C12orf56: variants seen among roughly 807,000 people sequenced by gnomAD.
The protein encoded by C12orf56 is chromosome 12 open reading frame 56.
A neutral mutation model predicts 69.9 loss-of-function variants in C12orf56; 71 were observed. The ratio of observed to expected loss-of-function variants is 1.02; its 90% CI spans 0.84 to 1.24. The LOEUF is 1.24. Ranked by LOEUF, C12orf56 falls within the 50% of genes most tolerant of loss-of-function variation. C12orf56 has a pLI of 0.00. For synonymous variants in C12orf56, 276 were observed against 274.1 expected (o/e 1.01, Z -0.07); for missense variants, 732 against 738.5 (o/e 0.99, Z 0.10).
At chr12:64,331,857 G>A (rs1007583385) in intron 2 of C12orf56, among the ~76,000 whole-genome samples, 1 of 151,972 alleles carries the variant, frequency 6.6e-6, no homozygotes, top group Non-Finnish European at 1.5e-5. Context: ...GGATAAGACA[G>A]TGGTCCGCTG....
intron 5 of C12orf56, among the ~76,000 whole-genome samples, chr12:64,307,369 T>C (rs1367960103): frequency 3.8e-5 from 2 of 52,326 alleles, no homozygotes; most frequent in Non-Finnish European, 7.8e-5. Context: ...TAGTCAGTCC[T>C]TTTTTTTTTT....
rs567644029 is a variant in C12orf56, at chr12:64,349,866, G to C, written c.415+3028C>G. On this transcript the variant is annotated intron_variant, in intron 2 of 12. Coordinates refer to ENST00000543942, the MANE Select transcript of C12orf56 (RefSeq NM_001170633.2). ...CCTGACACTTTGGGAGGCCAAGGCAGGCATATCACAAGGTCAGGAATTCGA... is the reference window on the plus strand; with the variant it reads ...CCTGACACTTTGGGAGGCCAAGGCACGCATATCACAAGGTCAGGAATTCGA... Among the ~76,000 whole-genome samples, 18 of 152,270 alleles carry C rather than the reference G, an allele frequency of 1.2e-4. No homozygotes were observed. The South Asian group carries it at 1.9e-3, about 16-fold the overall frequency.
In C12orf56 at chr12:64,356,186, A is replaced by C. The variant is rs1233651179; in HGVS notation, c.253-3130T>G. Among the ~76,000 whole-genome samples, 1,113 of 150,112 alleles carry C rather than the reference A, an allele frequency of 7.4e-3. 22 individuals carry two copies. Among genetic ancestry groups the C allele is most frequent in the Admixed American group, 0.013 (189 of 15,000 alleles). ...ACTCCATCTCAAAAAAAAAAAAAAA[A>C]AAAAAAAAAAAAACCATACATTTAA... is the stretch of plus-strand genomic sequence containing the variant. On this transcript the variant is annotated intron_variant, in intron 1 of 12. Coordinates refer to ENST00000543942, the MANE Select transcript of C12orf56 (RefSeq NM_001170633.2).
intron 1 of C12orf56, among the ~76,000 whole-genome samples, chr12:64,379,478 G>C (rs1001445890): frequency 6.6e-6 from 1 of 151,650 alleles, no homozygotes; most frequent in African/African-American, 2.4e-5. Context: ...AGTAGAGACG[G>C]GATTTCACGG....
rs2037918949 is a variant in C12orf56, at chr12:64,266,253, C to G, written c.*930G>C. On this transcript the variant is annotated 3_prime_UTR_variant, in exon 13 of 13. Coordinates refer to ENST00000543942, the MANE Select transcript of C12orf56 (RefSeq NM_001170633.2). Reference sequence around the variant, plus strand: ...ACCATTATTACACCAGTGAAACTCACCAGATTATATTTTCTGTGTTCACTC... The same window carrying G: ...ACCATTATTACACCAGTGAAACTCAGCAGATTATATTTTCTGTGTTCACTC... The G allele has an allele frequency of 6.6e-6, 1 of 152,310 alleles. No homozygotes were observed. Among genetic ancestry groups the G allele is most frequent in the Admixed American group, 6.5e-5 (1 of 15,284 alleles). The allele number at this position is 152,310 out of a possible 1,614,324, so 9.4% of individuals were successfully genotyped here.
At chr12:64,301,758 G>C (rs1191486490) in intron 6 of C12orf56, among the ~76,000 whole-genome samples, 4 of 152,080 alleles carry the variant, frequency 2.6e-5, no homozygotes. Flanking sequence ...AGAATAAGCA[G>C]CCCGACCCTT....
chr12:64,352,826 A>G, intron 2 of C12orf56, 68 bp downstream of exon 2: 1 of 1,348,346 alleles, frequency 7.4e-7, no homozygotes. Flanking sequence ...TCCTGCATCA[A>G]TTTTAAGAAA....
At chr12:64,333,386 C>T (rs1727379539) in intron 2 of C12orf56, among the ~76,000 whole-genome samples, 1 of 151,864 alleles carries the variant, frequency 6.6e-6, no homozygotes. Flanking sequence ...ATTCACTAAC[C>T]AAACTTGAAT....
rs754305299 is a variant in C12orf56, at chr12:64,390,669, G to GCGT, written c.-107_-105dup. ...CGCGCGCCACAAAGCCGCCGGCCAC[G>GCGT]CGTCGCCTCCTCTCCAGGCGCGGGG... On this transcript the variant is annotated 5_prime_UTR_variant, in exon 1 of 13. Transcript: ENST00000543942. 1.7e-3 allele frequency: 2,268 copies of GCGT among 1,358,672 alleles called. No homozygotes were observed. Among genetic ancestry groups the GCGT allele is most frequent in the Non-Finnish European group, 1.9e-3 (2,030 of 1,060,042 alleles). The allele number at this position is 1,358,672 out of a possible 1,614,324, so 84.2% of individuals were successfully genotyped here.
intron 8 of C12orf56, among the ~76,000 whole-genome samples, chr12:64,283,219 C>CTAT (rs1489255027): frequency 2.6e-5 from 4 of 151,970 alleles, no homozygotes; most frequent in Non-Finnish European, 5.9e-5. Context: ...TGGCTCATGC[C>CTAT]TGTAATCCCA....
rs572270772 is a variant in C12orf56, at chr12:64,311,175, G to A, written c.968+1504C>T. ...GCTATTGCCAGGCGTGGTGGCTCAT[G>A]CCTGTAATCCCAGCACTTTGGGAGG... On this transcript the variant is annotated intron_variant, in intron 5 of 12. Coordinates refer to ENST00000543942, the MANE Select transcript of C12orf56 (RefSeq NM_001170633.2). Among the ~76,000 whole-genome samples, 8 of 152,208 alleles carry A rather than the reference G, an allele frequency of 5.3e-5. No homozygotes were observed. The South Asian group carries it at 1.7e-3, about 32-fold the overall frequency.
rs201599556 is a variant in C12orf56 at position 64,285,954 on chromosome 12, A to C, written c.1220T>G (p.Val407Gly). 187 of 1,581,178 alleles carry C rather than the reference A, an allele frequency of 1.2e-4. No individual in the cohort carries two copies. Among genetic ancestry groups the C allele is most frequent in the Non-Finnish European group, 1.6e-4 (184 of 1,157,960 alleles). The stretch of plus-strand genomic sequence containing the variant: ...CGATGATTATCTAGTTAGTACTTAC[A>C]CCAGCTCATCAACCCTTTGGCTTTG... ...QNQSQRVDEL[V>G]ACIEIIQTLV... The change falls in exon 7 of 13, where the codon GTG (valine) becomes GGG (glycine). Residue 407 changes from valine (V) to glycine (G), a missense_variant and splice_region_variant. Coordinates refer to ENST00000543942, the MANE Select transcript of C12orf56 (RefSeq NM_001170633.2).
Position 64,328,679 on chromosome 12 carries a change from C to CAAAAAAAAAA in C12orf56, c.488+2271_488+2280dup, listed in dbSNP as rs59688148. 1.0e-3 allele frequency among the ~76,000 whole-genome samples: 60 copies of CAAAAAAAAAA among 57,908 alleles called. 2 individuals carry two copies. The highest frequency in any genetic ancestry group is 1.5e-3 in the Non-Finnish European group (48 of 31,796). The allele number at this position is 57,908 out of a possible 152,430, so 38.0% of individuals were successfully genotyped here. ...TGGGCGACAGTGCAAGACTCCATCT[C>CAAAAAAAAAA]AAAAAAAAAAAAAAAAAAAAAAAAA... On this transcript the variant is annotated intron_variant, in intron 3 of 12. Coordinates refer to ENST00000543942, the MANE Select transcript of C12orf56 (RefSeq NM_001170633.2).
chr12:64,345,045 C>T (rs11175347), intron 2 of C12orf56, among the ~76,000 whole-genome samples: 21,199 of 152,104 alleles, frequency 0.14, 1,617 homozygotes, highest in East Asian at 0.27. Flanking sequence ...ATCCCACACC[C>T]TTAATATCCA....
At chr12:64,312,411 G>A (rs972631217) in intron 5 of C12orf56, among the ~76,000 whole-genome samples, 8 of 152,018 alleles carry the variant, frequency 5.3e-5, no homozygotes, top group African/African-American at 1.7e-4. Flanking sequence ...CAATCTAACC[G>A]ACCTGGCCAA....
chr12:64,387,619 C>A (rs946172142), intron 1 of C12orf56, among the ~76,000 whole-genome samples: 16 of 152,080 alleles, frequency 1.1e-4, no homozygotes, highest in African/African-American at 3.6e-4. Context: ...GCCCAGCAGC[C>A]TGGGCAACAT....
At chr12:64,313,187 G>A (rs1363827360) in intron 4 of C12orf56, among the ~76,000 whole-genome samples, 3 of 150,112 alleles carry the variant, frequency 2.0e-5, no homozygotes, top group East Asian at 1.9e-4. Context: ...GCATGAACCC[G>A]GGGGGCGGAG....
chr12:64,371,227 C>A (rs1192896979), intron 1 of C12orf56, among the ~76,000 whole-genome samples: 2 of 151,394 alleles, frequency 1.3e-5, no homozygotes, highest in South Asian at 2.1e-4. Context: ...CACGGCAAAA[C>A]TGTCTCTACC....
intron 6 of C12orf56, among the ~76,000 whole-genome samples, chr12:64,294,214 G>A (rs765068155): frequency 2.6e-5 from 4 of 151,796 alleles, no homozygotes; most frequent in African/African-American, 7.3e-5. Context: ...TAGAGGAATC[G>A]AAACCCTTAT....
Sources: gnomAD v4.1 joint callset for allele counts (sites outside exome capture counted in the v4.1 genomes callset) on GRCh38, gnomAD v4.1.1 for gene constraint, MANE v1.5 for transcripts, NCBI Gene and HGNC (gene_info 2026-07-23, HGNC 2026-07-21) for gene names.